The following COL3A1 variants were observed in gnomAD, a reference collection of about 807,000 sequenced individuals.
COL3A1 encodes the protein collagen type III alpha 1 chain, also known as collagen alpha-1(III) chain.
A neutral mutation model predicts 200.9 loss-of-function variants in COL3A1; 46 were observed. The observed-to-expected ratio is 0.23, with a 90% CI of 0.18 to 0.29. COL3A1 has a LOEUF of 0.29. COL3A1 is among the 10% of genes least tolerant of loss of function. The pLI is 1.00. For synonymous variants in COL3A1, 650 were observed against 628.0 expected (o/e 1.03, Z -0.52); for missense variants, 1,367 against 1,917.6 (o/e 0.71, Z 5.36).
At chr2:188,987,697 C>T (rs989435801) in intron 5 of COL3A1, among the ~76,000 whole-genome samples, 1 of 151,916 alleles carries the variant, frequency 6.6e-6, no homozygotes, top group Non-Finnish European at 1.5e-5. Context: ...TTCTAGTGTG[C>T]CAATAAATGT....
rs13306267 is a variant in COL3A1, at chr2:188,995,904, A to C, written c.1608+114A>C. 0.047 allele frequency: 48,821 copies of C among 1,029,096 alleles called. 4,400 individuals carry two copies. Among genetic ancestry groups the C allele is most frequent in the African/African-American group, 0.35 (21,805 of 61,770 alleles). The allele number at this position is 1,029,096 out of a possible 1,614,324, so 63.7% of individuals were successfully genotyped here. On this transcript the variant is annotated intron_variant, in intron 22 of 50. Transcript: ENST00000304636. ...AATCAGATTACATATTTTGTAAGGC[A>C]CCAAACAAAACAAAATTCTTTTAAG...
At position 188,995,753 on chromosome 2, in the gene COL3A1, C is replaced by A. The variant is rs1440329786; in HGVS notation, c.1571C>A (p.Pro524His). ...GGGCCCAGAGGAGCTGCTGGAGAAC[C>A]TGGCAGAGATGGCGTCCCTGGAGGT... is the stretch of plus-strand genomic sequence containing the variant. ...PAGPRGAAGE[P>H]GRDGVPGGPG... The change falls in exon 22 of 51, where the codon CCT becomes CAT. Residue 524 changes from proline to histidine, a missense_variant. Pro to His is a moderately conservative substitution (Grantham distance 77). Coordinates refer to ENST00000304636, the MANE Select transcript of COL3A1 (RefSeq NM_000090.4). The A allele has an allele frequency of 1.3e-6, 2 of 1,567,380 alleles. No homozygotes were observed. Among genetic ancestry groups the A allele is most frequent in the South Asian group, 1.2e-5 (1 of 84,976 alleles).
chr2:188,985,584 A>C (rs1344143243), intron 3 of COL3A1, 81 bp from the exon 4 acceptor site: 2 of 871,946 alleles, frequency 2.3e-6, no homozygotes, highest in Non-Finnish European at 3.7e-6. Flanking sequence ...TAATATTATA[A>C]AGTAGAGAAA....
intron 11 of COL3A1, 133 bp from the exon 12 acceptor site, chr2:188,991,352 AAC>A (rs1272492334): frequency 3.0e-6 from 2 of 662,232 alleles, no homozygotes; most frequent in East Asian, 2.9e-5. Flanking sequence ...ATAAAATACT[AAC>A]AGAAAATTAA....
chr2:188,987,366 AC>A (rs199970446), intron 5 of COL3A1, among the ~76,000 whole-genome samples: 128 of 151,740 alleles, frequency 8.4e-4, no homozygotes, highest in African/African-American at 2.6e-3. Flanking sequence ...AAAAAAAAAA[AC>A]CAAAGTCAAC....
chr2:189,010,630 A>G lies in COL3A1; in HGVS notation c.4012-18A>G. 4 of 1,614,072 alleles carry G rather than the reference A, an allele frequency of 2.5e-6. No individual in the cohort carries two copies. Among genetic ancestry groups the G allele is most frequent in the Non-Finnish European group, 3.4e-6 (4 of 1,179,950 alleles). ...ACAACTGAAATGTTTGATCTGTTTT[A>G]TTTGTTCCCTATTACAGTTTAGCTA... is the stretch of plus-strand genomic sequence containing the variant. On this transcript the variant is annotated intron_variant, in intron 49 of 50. Coordinates refer to ENST00000304636, the MANE Select transcript of COL3A1 (RefSeq NM_000090.4).
intron 21 of COL3A1, 182 bp from the exon 22 acceptor site, chr2:188,995,510 T>G: frequency 1.7e-6 from 1 of 582,522 alleles, no homozygotes; most frequent in Non-Finnish European, 3.1e-6. Flanking sequence ...CAAAGTTGCT[T>G]TAAAATTTTT....
At chr2:189,008,585 C>T (rs984659653) in intron 47 of COL3A1, 6 of 422,066 alleles carry the variant, frequency 1.4e-5, no homozygotes, top group Non-Finnish European at 2.6e-5. Context: ...ACAATTATCC[C>T]AACAAATTAC....
chr2:188,998,339 T>C lies in COL3A1; in HGVS notation c.1977+20T>C, dbSNP rs750703450. ...GAACCAGTAAGTTACGTTTCATTAT[T>C]CAAAACTCAGAAACAAAAAGAATAC... On this transcript the variant is annotated intron_variant, in intron 28 of 50. Coordinates refer to ENST00000304636, the MANE Select transcript of COL3A1 (RefSeq NM_000090.4). 4 of 1,608,742 alleles carry C rather than the reference T, an allele frequency of 2.5e-6. No homozygotes were observed. The highest frequency in any genetic ancestry group is 3.4e-6 in the Non-Finnish European group (4 of 1,175,698).
chr2:188,984,120 G>A (rs1456176636), intron 1 of COL3A1, among the ~76,000 whole-genome samples: 1 of 151,486 alleles, frequency 6.6e-6, no homozygotes, highest in South Asian at 2.1e-4. Context: ...TTTCTTTTTG[G>A]TGATTTGGAA....
intron 1 of COL3A1, chr2:188,977,995 A>G (rs948618309): frequency 2.9e-6 from 1 of 345,260 alleles, no homozygotes; most frequent in Non-Finnish European, 5.8e-6. Flanking sequence ...TTCATCCATG[A>G]TACCTTGTAT....
intron 49 of COL3A1, 43 bp from the exon 50 acceptor site, chr2:189,010,605 A>G (rs2153504300): frequency 6.2e-7 from 1 of 1,613,586 alleles, no homozygotes; most frequent in Non-Finnish European, 8.5e-7. Flanking sequence ...GCGTGCAGTT[A>G]CAACTGAAAT....
intron 1 of COL3A1, among the ~76,000 whole-genome samples, chr2:188,975,420 ATTAT>A (rs1006328170): frequency 3.3e-4 from 51 of 152,312 alleles, no homozygotes; most frequent in African/African-American, 1.2e-3. Flanking sequence ...CATTTGTCTC[ATTAT>A]TTATGTGAAA....
In COL3A1 at chr2:188,999,826, G is replaced by A; in HGVS notation, c.2230-16G>A. 1 of 1,591,134 alleles carries A rather than the reference G, an allele frequency of 6.3e-7. No homozygotes were observed. The highest frequency in any genetic ancestry group is 1.3e-5 in the African/African-American group (1 of 74,930). ...AAGATACTTTGAATCTGATGACATT[G>A]GCTTTTATTTGACAGGGTGAACCAG... On this transcript the variant is annotated splice_polypyrimidine_tract_variant and intron_variant, in intron 31 of 50. Transcript: ENST00000304636.
intron 1 of COL3A1, among the ~76,000 whole-genome samples, chr2:188,976,910 T>C (rs1439313309): frequency 1.3e-5 from 2 of 152,166 alleles, no homozygotes; most frequent in African/African-American, 4.8e-5. Flanking sequence ...ATGCCAATAT[T>C]AATGTTATGT....
chr2:188,994,854 A>G lies in COL3A1; in HGVS notation c.1455+23A>G. ...AGGGTACGTTTTCCATGGGGCATCT[A>G]AAAGAAAAGCAGCATCACTGTCATC... is the stretch of plus-strand genomic sequence containing the variant. On this transcript the variant is annotated intron_variant, in intron 20 of 50. Transcript: ENST00000304636. The surrounding 1 kb of genome is among the most constrained non-coding windows in gnomAD (Gnocchi z 4.5). 2 of 1,611,092 alleles carry G rather than the reference A, an allele frequency of 1.2e-6. No individual in the cohort carries two copies. The highest frequency in any genetic ancestry group is 1.7e-6 in the Non-Finnish European group (2 of 1,178,288).
At chr2:189,009,835 A>C (rs1688681060) in intron 48 of COL3A1, among the ~76,000 whole-genome samples, 1 of 152,232 alleles carries the variant, frequency 6.6e-6, no homozygotes, top group African/African-American at 2.4e-5. Context: ...GAACAAATCT[A>C]GGTTAGACAA....
chr2:189,008,154 C>T lies in COL3A1; in HGVS notation c.3525+12C>T, dbSNP rs1450543801. On this transcript the variant is annotated intron_variant, in intron 47 of 50. Transcript: ENST00000304636. ...AAAGAGGATCTGAGGTAAGACATCA[C>T]TTATACGTATGTGTATTTAATTTGC... The T allele has an allele frequency of 6.3e-7, 1 of 1,595,848 alleles. No individual in the cohort carries two copies. Among genetic ancestry groups the T allele is most frequent in the Non-Finnish European group, 8.6e-7 (1 of 1,166,136 alleles).
chr2:188,998,614 C>A, intron 28 of COL3A1, 60 bp from the exon 29 acceptor site: 1 of 1,507,724 alleles, frequency 6.6e-7, no homozygotes, highest in Non-Finnish European at 9.2e-7. Flanking sequence ...TACATATTTG[C>A]TTATATTTAC....
Sources: gnomAD v4.1 joint callset for allele counts (sites outside exome capture counted in the v4.1 genomes callset) on GRCh38, gnomAD v4.1.1 for gene constraint, Gnocchi (gnomAD v3.1) non-coding constraint, MANE v1.5 for transcripts, NCBI Gene and HGNC (gene_info 2026-07-23, HGNC 2026-07-21) for gene names.